R3HDM1: variants seen among roughly 807,000 people sequenced by gnomAD.
R3HDM1 encodes the protein R3H domain containing 1.
In R3HDM1, 46 loss-of-function variants were observed where a neutral mutation model predicts 141.1. The observed-to-expected ratio is 0.33, with a 90% CI of 0.26 to 0.42. The LOEUF (loss-of-function observed/expected upper bound fraction) is 0.42. Among genes scored for constraint, R3HDM1 ranks in the 10% least tolerant of loss-of-function variants. The probability of loss-of-function intolerance (pLI) is 1.00; values close to 1 mark genes in which losing one functional copy is unlikely to be tolerated. For synonymous variants in R3HDM1, 435 were observed against 472.9 expected, an observed-to-expected ratio of 0.92 and a Z score of 1.04; for missense variants, 1,184 against 1,368.3, an observed-to-expected ratio of 0.87 and a Z score of 2.12.
At chr2:135,614,287 C>T (rs1199447835) in intron 3 of R3HDM1, among the ~76,000 whole-genome samples, 1 of 152,086 alleles carries the variant, frequency 6.6e-6, no homozygotes, top group Non-Finnish European at 1.5e-5. Context: ...ATACAGCACC[C>T]CCATTTTATA....
intron 1 of R3HDM1, among the ~76,000 whole-genome samples, chr2:135,570,310 G>GT (rs1415891992): frequency 2.0e-5 from 3 of 152,188 alleles, no homozygotes; most frequent in African/African-American, 4.8e-5. Context: ...GGGTAGTAAA[G>GT]TATCTTCCAT....
In R3HDM1 at chr2:135,709,527, C is replaced by G. The variant is rs2075379348; in HGVS notation, c.2554C>G (p.Gln852Glu). ...CAGTTCCCAGCAGCTTCAAGGCCAC[C>G]AATGTACAGGTATAAAGAAATCAGT... ...PCSSQQLQGH[Q>E]CTAGPPPPPG... is the part of the protein sequence containing the mutation. Residue 852 changes from glutamine to glutamate, a missense_variant, in exon 22 of 27, where the codon CAA becomes GAA. Physicochemically the swap from Gln to Glu is conservative, Grantham distance 29. Coordinates refer to ENST00000683871, the MANE Select transcript of R3HDM1 (RefSeq NM_001378107.1). 9 of 1,614,026 alleles carry G rather than the reference C, an allele frequency of 5.6e-6. No homozygotes were observed. The highest frequency in any genetic ancestry group is 7.6e-6 in the Non-Finnish European group (9 of 1,179,918).
At chr2:135,708,132 C>T (rs576826157) in intron 21 of R3HDM1, among the ~76,000 whole-genome samples, 1 of 152,274 alleles carries the variant, frequency 6.6e-6, no homozygotes, top group African/African-American at 2.4e-5. Flanking sequence ...TGAAATAAAT[C>T]CCAGGCATCA....
chr2:135,708,601 T>TA (rs1314539161), intron 21 of R3HDM1, among the ~76,000 whole-genome samples: 3 of 152,138 alleles, frequency 2.0e-5, no homozygotes. Flanking sequence ...TTAACTATTA[T>TA]AAAAAAATTC....
At chr2:135,552,593 G>A (rs910701228) in intron 1 of R3HDM1, among the ~76,000 whole-genome samples, 1 of 152,126 alleles carries the variant, frequency 6.6e-6, no homozygotes, top group Admixed American at 6.6e-5. Flanking sequence ...CAATCTGATA[G>A]TTGACCCTAG....
intron 1 of R3HDM1, among the ~76,000 whole-genome samples, chr2:135,585,411 A>G (rs1195311518): frequency 6.6e-6 from 1 of 152,202 alleles, no homozygotes; most frequent in Non-Finnish European, 1.5e-5. Flanking sequence ...TGGTGTACAG[A>G]TCTTTCTTCA....
chr2:135,553,295 TACTG>T (rs1353369345), intron 1 of R3HDM1, among the ~76,000 whole-genome samples: 3 of 152,240 alleles, frequency 2.0e-5, no homozygotes, highest in Non-Finnish European at 4.4e-5. Flanking sequence ...CAGTATTTCA[TACTG>T]AAATGAAGTA....
intron 19 of R3HDM1, among the ~76,000 whole-genome samples, chr2:135,665,934 A>T (rs913499710): frequency 9.2e-5 from 14 of 152,202 alleles, no homozygotes; most frequent in African/African-American, 2.9e-4. Context: ...CCAAACGATG[A>T]TGTTGTTGCA....
intron 1 of R3HDM1, among the ~76,000 whole-genome samples, chr2:135,591,639 C>G (rs1709301668): frequency 6.6e-6 from 1 of 152,222 alleles, no homozygotes; most frequent in Non-Finnish European, 1.5e-5. Flanking sequence ...TATGCACCCA[C>G]AATGACTTTT....
intron 5 of R3HDM1, among the ~76,000 whole-genome samples, chr2:135,618,578 ACAGT>A (rs1359893876): frequency 6.6e-6 from 1 of 151,932 alleles, no homozygotes; most frequent in Non-Finnish European, 1.5e-5. Flanking sequence ...AAGCAGAAAT[ACAGT>A]CAAAGTATTT....
chr2:135,549,576 A>AAC (rs1553520610), intron 1 of R3HDM1, among the ~76,000 whole-genome samples: 9 of 148,022 alleles, frequency 6.1e-5, no homozygotes, highest in African/African-American at 1.8e-4. Context: ...AAAAAAAAAA[A>AAC]AAAAACAAAA....
chr2:135,678,710 T>G (rs1186723143), intron 20 of R3HDM1, among the ~76,000 whole-genome samples: 1 of 151,608 alleles, frequency 6.6e-6, no homozygotes. Flanking sequence ...ATTACTATTA[T>G]TAACGTCATC....
At chr2:135,620,388 T>TA in intron 5 of R3HDM1, 1 of 833,244 alleles carries the variant, frequency 1.2e-6, no homozygotes, top group Non-Finnish European at 1.4e-6. Flanking sequence ...AAAAATTACT[T>TA]ACTGGTTGAT....
chr2:135,558,807 C>T (rs954688543), intron 1 of R3HDM1, among the ~76,000 whole-genome samples: 2 of 152,060 alleles, frequency 1.3e-5, no homozygotes, highest in African/African-American at 2.4e-5. Flanking sequence ...ACAAAGGTTT[C>T]TGTACATATT....
intron 5 of R3HDM1, among the ~76,000 whole-genome samples, chr2:135,618,286 G>A (rs1335973388): frequency 2.6e-5 from 4 of 151,016 alleles, no homozygotes; most frequent in East Asian, 2.0e-4. Context: ...TCAGCCTGCC[G>A]AGTAGCTGGA....
chr2:135,618,548 G>A (rs942717238), intron 5 of R3HDM1, among the ~76,000 whole-genome samples: 3 of 147,748 alleles, frequency 2.0e-5, no homozygotes, highest in African/African-American at 7.6e-5. Context: ...TTTTAGCAAT[G>A]AAATAGACTT....
At chr2:135,648,720 A>G (rs2064764859) in intron 16 of R3HDM1, among the ~76,000 whole-genome samples, 1 of 151,514 alleles carries the variant, frequency 6.6e-6, no homozygotes, top group East Asian at 1.9e-4. Context: ...AACAGATGCA[A>G]TTTTAGTTTG....
At chr2:135,552,624 ATACTATAT>A (rs1005733801) in intron 1 of R3HDM1, among the ~76,000 whole-genome samples, 8 of 152,320 alleles carry the variant, frequency 5.3e-5, no homozygotes, top group Admixed American at 1.3e-4. Context: ...CACAGCAAAA[ATACTATAT>A]TTATTTAGAT....
rs147219545 is a variant in R3HDM1, at chr2:135,556,631, G to A, written c.-250+24998G>A. Among the ~76,000 whole-genome samples the A allele has an allele frequency of 2.0e-3, 299 of 151,366 alleles. 5 individuals are homozygous for A. The East Asian group carries it at 0.051, about 26-fold the overall frequency. ...ACTCCCGGGTTCACGCCATTCTCCT[G>A]CCTCAGCCTCACGAGTAGCTGGGAC... On this transcript the variant is annotated intron_variant, in intron 1 of 26. Transcript: ENST00000683871.
Sources: gnomAD v4.1 joint callset for allele counts (sites outside exome capture counted in the v4.1 genomes callset) on GRCh38, gnomAD v4.1.1 for gene constraint, MANE v1.5 for transcripts, NCBI Gene and HGNC (gene_info 2026-07-23, HGNC 2026-07-21) for gene names.